The following PFDN5 variants were observed in gnomAD, a reference collection of about 807,000 sequenced individuals.
The protein encoded by PFDN5 is prefoldin subunit 5.
A neutral mutation model predicts 21.5 loss-of-function variants in PFDN5; 13 were observed. The ratio of observed to expected loss-of-function variants is 0.60; its 90% CI spans 0.39 to 0.96. The LOEUF is 0.96. PFDN5 is among the 40% of genes least tolerant of loss of function. The pLI is 0.00. For missense variants in PFDN5, 188 were observed against 186.2 expected, an observed-to-expected ratio of 1.01 and a Z score of -0.06; for synonymous variants, 84 against 68.9, an observed-to-expected ratio of 1.22 and a Z score of -1.08.
rs781446753 is a variant in PFDN5 at position 53,297,892 on chromosome 12, A to T, written c.250A>T (p.Ile84Phe). 1.2e-6 allele frequency: 2 copies of T among 1,613,324 alleles called. No individual in the cohort carries two copies. The highest frequency in any genetic ancestry group is 2.2e-5 in the South Asian group (2 of 91,060). ...GKLHDVEHVL[I>F]DVGTGYYVEK... is the part of the protein sequence containing the mutation. ...GCTGCATGATGTGGAACACGTGCTC[A>T]TCGATGTGGGAACTGGGTACTATGT... Residue 84 changes from isoleucine to phenylalanine, a missense_variant, in exon 4 of 6, where the codon ATC becomes TTC. Ile to Phe is a conservative substitution (Grantham distance 21). Coordinates refer to ENST00000334478, the MANE Select transcript of PFDN5 (RefSeq NM_002624.4).
chr12:53,298,580 T>A (rs1944184975), intron 5 of PFDN5: 1 of 44,568 alleles, frequency 2.2e-5, no homozygotes. Flanking sequence ...CTGTTTTTTT[T>A]TAAAAAAGCT....
In PFDN5 at chr12:53,295,544, C is replaced by T. The variant is rs201595448; in HGVS notation, c.-24C>T. The T allele has an allele frequency of 1.0e-5, 16 of 1,603,952 alleles. No homozygotes were observed. The East Asian group carries it at 2.2e-4, about 22-fold the overall frequency. ...AGCGTTGCTCGCCGAGAGACTTCCTCTTCGTTAAGTCGGCCTTCCCAACAT... is the reference window on the plus strand; with the variant it reads ...AGCGTTGCTCGCCGAGAGACTTCCTTTTCGTTAAGTCGGCCTTCCCAACAT... On this transcript the variant is annotated 5_prime_UTR_variant, in exon 1 of 6. Coordinates refer to ENST00000334478, the MANE Select transcript of PFDN5 (RefSeq NM_002624.4).
chr12:53,296,603 T>G, intron 3 of PFDN5: 1 of 399,382 alleles, frequency 2.5e-6, no homozygotes, highest in Non-Finnish European at 4.6e-6. Flanking sequence ...GAGTTGGGGG[T>G]TTCACCATAT....
intron 3 of PFDN5, 87 bp downstream of exon 3, chr12:53,296,362 T>G: frequency 1.1e-6 from 1 of 919,144 alleles, no homozygotes; most frequent in Non-Finnish European, 1.8e-6. Context: ...TTGTTTTGAT[T>G]ACTTCAGATT....
rs1944148582 is a variant in PFDN5 at position 53,296,258 on chromosome 12, G to T, written c.190G>T (p.Val64Phe). 1 of 1,608,934 alleles carries T rather than the reference G, an allele frequency of 6.2e-7. No individual in the cohort carries two copies. The highest frequency in any genetic ancestry group is 1.3e-5 in the African/African-American group (1 of 74,880). ...TGCTTTCACAGGGAAAGAATTACTC[G>T]TCCCACTGACGAGTTCTGTATCCTT... ...NKSNEGKELL[V>F]PLTSSMYVPG... is the part of the protein sequence containing the mutation. The change falls in exon 3 of 6, where the codon GTC (valine) becomes TTC (phenylalanine). Residue 64 changes from valine (V) to phenylalanine (F), a missense_variant. Coordinates refer to ENST00000334478, the MANE Select transcript of PFDN5 (RefSeq NM_002624.4).
rs1565769793 is a variant in PFDN5, at chr12:53,295,595, C to T, written c.28C>T (p.Leu10=). 4 of 1,614,034 alleles carry T rather than the reference C, an allele frequency of 2.5e-6. No individual in the cohort carries two copies. The highest frequency in any genetic ancestry group is 1.1e-5 in the South Asian group (1 of 91,086). Residue 10 remains leucine, a synonymous_variant, in exon 1 of 6, where the codon CTG becomes TTG. Transcript: ENST00000334478. The part of the protein sequence containing the change: MAQSINITE[L]NLPQLEMLKN... ...GGCGCAGTCTATTAACATCACGGAG[C>T]TGAATCTGCCGCAGCTAGAAATGCT... is the stretch of plus-strand genomic sequence containing the variant.
Position 53,297,863 on chromosome 12 carries a change from G to C in PFDN5, c.221G>C (p.Gly74Ala), listed in dbSNP as rs779199295. Residue 74 changes from glycine to alanine, a missense_variant, in exon 4 of 6, where the codon GGG becomes GCG. Transcript: ENST00000334478. ...CTTGCTTCTCAGATGTATGTCCCTG[G>C]GAAGCTGCATGATGTGGAACACGTG... ...VPLTSSMYVP[G>A]KLHDVEHVLI... 5 of 1,611,568 alleles carry C rather than the reference G, an allele frequency of 3.1e-6. No homozygotes were observed. The South Asian group carries it at 5.5e-5, about 18-fold the overall frequency.
At chr12:53,295,766 C>T (rs1592502464) in intron 1 of PFDN5, 73 bp from the exon 2 acceptor site, 1 of 1,233,772 alleles carries the variant, frequency 8.1e-7, no homozygotes, top group East Asian at 2.3e-5. Flanking sequence ...GATCCCAGGA[C>T]CTGCCCCCTC....
At chr12:53,298,020 C>T (rs768610877) in intron 4 of PFDN5, 25 bp from the exon 5 acceptor site, 20 of 1,572,042 alleles carry the variant, frequency 1.3e-5, no homozygotes, top group South Asian at 3.3e-5. Flanking sequence ...TCCTTTTAGC[C>T]CCTTATTCAC....
intron 3 of PFDN5, chr12:53,296,861 G>T (rs1256553464): frequency 1.2e-5 from 2 of 164,496 alleles, no homozygotes. Flanking sequence ...AGATAAAGCT[G>T]GTGGTTTACA....
At chr12:53,296,333 C>A in intron 3 of PFDN5, 58 bp downstream of exon 3, 3 of 1,351,990 alleles carry the variant, frequency 2.2e-6, no homozygotes, top group Non-Finnish European at 3.1e-6. Flanking sequence ...TTCACTCCCC[C>A]AAAAAGCGGG....
chr12:53,296,359 G>T, intron 3 of PFDN5, 84 bp downstream of exon 3: 2 of 913,184 alleles, frequency 2.2e-6, no homozygotes, highest in South Asian at 1.4e-5. Context: ...GGATTGTTTT[G>T]ATTACTTCAG....
rs372215895 is a variant in PFDN5, at chr12:53,295,692, A to G, written c.72+53A>G. On this transcript the variant is annotated intron_variant, in intron 1 of 5. Transcript: ENST00000334478. ...TTCCTGCTCTACATCCCCCTTGCCC[A>G]CGCGTACTTCTCGCGCCCGGTTCCA... 1.3e-5 allele frequency: 20 copies of G among 1,505,646 alleles called. No homozygotes were observed. The East Asian group carries it at 4.1e-4, about 31-fold the overall frequency. The allele number at this position is 1,505,646 out of a possible 1,614,324, so 93.3% of individuals were successfully genotyped here.
chr12:53,297,047 T>C (rs1944159983), intron 3 of PFDN5: 1 of 153,214 alleles, frequency 6.5e-6, no homozygotes, highest in Admixed American at 6.5e-5. Flanking sequence ...GAGCAAGTTA[T>C]GGCAGTAGGG....
intron 3 of PFDN5, chr12:53,296,539 G>C (rs1944153703): frequency 1.7e-6 from 1 of 582,226 alleles, no homozygotes; most frequent in African/African-American, 1.9e-5. Context: ...CTCCCGAGTA[G>C]CTGGGACTTT....
At chr12:53,297,975 G>A in intron 4 of PFDN5, 51 bp downstream of exon 4, 1 of 1,572,312 alleles carries the variant, frequency 6.4e-7, no homozygotes, top group Non-Finnish European at 8.8e-7. Flanking sequence ...GAAATTCAGG[G>A]GAAGCTCTAG....
chr12:53,295,992 C>A, intron 2 of PFDN5, 51 bp downstream of exon 2: 1 of 1,083,834 alleles, frequency 9.2e-7, no homozygotes, highest in South Asian at 1.3e-5. Context: ...CTGCTTCTCT[C>A]GTCCCACCTC....
chr12:53,296,182 TTTAACGTCTTAC>T, intron 2 of PFDN5, 50 bp from the exon 3 acceptor site: 1 of 1,471,154 alleles, frequency 6.8e-7, no homozygotes, highest in Non-Finnish European at 9.5e-7. Flanking sequence ...TGGAACTCTC[TTTAACGTCTTAC>T]GTTGGAGCCG....
rs749619490 is a variant in PFDN5 at position 53,296,252 on chromosome 12, T to C, written c.184T>C (p.Leu62=). 1.2e-6 allele frequency: 2 copies of C among 1,609,668 alleles called. No homozygotes were observed. Among genetic ancestry groups the C allele is most frequent in the East Asian group, 4.5e-5 (2 of 44,874 alleles). ...CTTCATTGCTTTCACAGGGAAAGAA[T>C]TACTCGTCCCACTGACGAGTTCTGT... ...VLNKSNEGKE[L]LVPLTSSMYV... is the part of the protein sequence containing the mutation. The change falls in exon 3 of 6, where the codon TTA becomes CTA. Residue 62 remains leucine (L), a synonymous_variant. Transcript: ENST00000334478.
Sources: gnomAD v4.1 joint callset for allele counts on GRCh38, gnomAD v4.1.1 for gene constraint, MANE v1.5 for transcripts, NCBI Gene and HGNC (gene_info 2026-07-23, HGNC 2026-07-21) for gene names.